AAMDC: variants seen among roughly 807,000 people sequenced by gnomAD.
AAMDC encodes the protein adipogenesis associated Mth938 domain containing.
A neutral mutation model predicts 15.5 loss-of-function variants in AAMDC; 16 were observed. The observed-to-expected ratio is 1.03, with a 90% CI of 0.70 to 1.57. AAMDC has a LOEUF of 1.57. AAMDC is among the 40% of genes most tolerant of loss of function. The probability of loss-of-function intolerance (pLI) is 0.00; values close to 1 mark genes in which losing one functional copy is unlikely to be tolerated. For synonymous variants in AAMDC, 51 were observed against 51.6 expected (o/e 0.99, Z 0.05); for missense variants, 141 against 144.9 (o/e 0.97, Z 0.14).
chr11:77,888,958 C>T (rs1332296078), intron 5 of AAMDC, among the ~76,000 whole-genome samples: 5 of 152,294 alleles, frequency 3.3e-5, no homozygotes, highest in African/African-American at 4.8e-5. Context: ...GAAATAGGAA[C>T]ACTTTTACAC....
chr11:77,842,747 T>A, intron 2 of AAMDC, 119 bp downstream of exon 2: 1 of 1,377,148 alleles, frequency 7.3e-7, no homozygotes, highest in Non-Finnish European at 9.9e-7. Context: ...ATATAATTCA[T>A]ATACCATTAA....
At chr11:77,891,948 A>C (rs1312822348) in intron 5 of AAMDC, 72 of 1,557,294 alleles carry the variant, frequency 4.6e-5, no homozygotes, top group Non-Finnish European at 5.4e-5. Context: ...TGATGAAGTG[A>C]GAGGAGCTTG....
At chr11:77,861,704 C>T (rs1348824569) in intron 2 of AAMDC, among the ~76,000 whole-genome samples, 1 of 152,156 alleles carries the variant, frequency 6.6e-6, no homozygotes, top group Non-Finnish European at 1.5e-5. Flanking sequence ...GGAAGCAAGC[C>T]CTATTAGGCA....
Position 77,834,440 on chromosome 11 carries a change from T to TG in AAMDC, c.-18-8038dup, listed in dbSNP as rs766068078. Reference sequence around the variant, plus strand: ...TGAATTTCATGGAGAAAGTTGATTTTGTTTTTTTTTTTTTTTTTTTTTGAG... The same window carrying TG: ...TGAATTTCATGGAGAAAGTTGATTTTGGTTTTTTTTTTTTTTTTTTTTTGAG... On this transcript the variant is annotated intron_variant, in intron 1 of 3. Transcript: ENST00000393427. Among the ~76,000 whole-genome samples the TG allele has an allele frequency of 8.4e-5, 11 of 130,222 alleles. 1 individual carries two copies. The highest frequency in any genetic ancestry group is 4.6e-4 in the South Asian group (2 of 4,338). 85.4% of individuals were successfully genotyped at this position (130,222 alleles called of 152,430 possible).
intron 5 of AAMDC, among the ~76,000 whole-genome samples, chr11:77,886,130 C>T (rs1393574650): frequency 6.6e-6 from 1 of 151,588 alleles, no homozygotes; most frequent in Admixed American, 6.6e-5. Context: ...CCCTTGGACA[C>T]AGAAGTTTGA....
intron 1 of AAMDC, among the ~76,000 whole-genome samples, chr11:77,832,330 CTT>C (rs5792777): frequency 8.1e-4 from 120 of 147,628 alleles, no homozygotes; most frequent in African/African-American, 1.9e-3. Context: ...AATAGAGGAA[CTT>C]TTTTTTTTTT....
intron 5 of AAMDC, among the ~76,000 whole-genome samples, chr11:77,877,452 T>C (rs1375999169): frequency 6.6e-6 from 1 of 152,234 alleles, no homozygotes; most frequent in East Asian, 1.9e-4. Context: ...CCAATTGTTA[T>C]TTAATCCATC....
chr11:77,892,844 A>C (rs1218594848), intron 5 of AAMDC, among the ~76,000 whole-genome samples: 1 of 152,166 alleles, frequency 6.6e-6, no homozygotes, highest in African/African-American at 2.4e-5. Flanking sequence ...CAGCCTCCCA[A>C]AGTGCTGGGA....
intron 2 of AAMDC, among the ~76,000 whole-genome samples, chr11:77,844,406 A>C (rs115755074): frequency 0.017 from 2,526 of 152,004 alleles, 69 homozygotes; most frequent in African/African-American, 0.058. Flanking sequence ...TCTGTCGTCC[A>C]GGCTAGAGTG....
At chr11:77,884,933 A>T (rs1591001134) in intron 5 of AAMDC, 1 of 226,078 alleles carries the variant, frequency 4.4e-6, no homozygotes, top group Non-Finnish European at 9.5e-6. Flanking sequence ...TTCTTTTTAA[A>T]TTTTTTTGTA....
At chr11:77,903,389 C>T, downstream of AAMDC, 6 of 1,600,006 alleles carry the variant, frequency 3.7e-6, no homozygotes, top group Non-Finnish European at 5.1e-6. Context: ...GGCCAAATCA[C>T]TCTGCTTCAA....
At chr11:77,855,592 G>A (rs752289404) in intron 2 of AAMDC, 1 of 151,518 alleles carries the variant, frequency 6.6e-6, no homozygotes, top group Non-Finnish European at 1.5e-5. Context: ...GCCTCCCAAA[G>A]TGCTGGGATT....
chr11:77,902,180 T>C (rs1390403889), downstream of AAMDC, among the ~76,000 whole-genome samples: 2 of 152,164 alleles, frequency 1.3e-5, no homozygotes, highest in African/African-American at 2.4e-5. Context: ...TCTCTTACAA[T>C]TGGCAATAAG....
intron 5 of AAMDC, among the ~76,000 whole-genome samples, chr11:77,898,625 A>C (rs1952636781): frequency 1.3e-5 from 2 of 152,262 alleles, no homozygotes; most frequent in Non-Finnish European, 2.9e-5. Flanking sequence ...CAATATGTTC[A>C]TTAAAAATAT....
chr11:77,860,436 T>A (rs1258072706), intron 2 of AAMDC, among the ~76,000 whole-genome samples: 1 of 152,230 alleles, frequency 6.6e-6, no homozygotes, highest in African/African-American at 2.4e-5. Context: ...CTTAGGATAA[T>A]TTTAGCCCTA....
At chr11:77,901,331 C>G, downstream of AAMDC, 1 of 1,347,778 alleles carries the variant, frequency 7.4e-7, no homozygotes, top group Non-Finnish European at 1.1e-6. Context: ...TTTCATTTCA[C>G]TTATCATTAA....
intron 2 of AAMDC, among the ~76,000 whole-genome samples, chr11:77,863,952 G>C (rs1040706392): frequency 6.6e-6 from 1 of 150,970 alleles, no homozygotes; most frequent in African/African-American, 2.4e-5. Flanking sequence ...TTGAGACAGA[G>C]TTTCACTCTT....
intron 3 of AAMDC, among the ~76,000 whole-genome samples, chr11:77,905,838 C>T (rs1952935032): frequency 6.6e-6 from 1 of 152,074 alleles, no homozygotes; most frequent in African/African-American, 2.4e-5. Context: ...CCTTTATGAC[C>T]AATTTCTTTA....
intron 1 of AAMDC, 32 bp downstream of exon 1, chr11:77,821,273 C>A: frequency 4.7e-6 from 1 of 211,970 alleles, no homozygotes; most frequent in East Asian, 1.0e-4. Flanking sequence ...GAAACTGGGC[C>A]ACGAGATGGT....
Sources: allele counts gnomAD v4.1 joint callset (sites outside exome capture counted in the v4.1 genomes callset), GRCh38; gene constraint gnomAD v4.1.1; transcripts MANE v1.5; gene names NCBI Gene and HGNC (gene_info 2026-07-23, HGNC 2026-07-21).